IL6R: variants seen among roughly 807,000 people sequenced by gnomAD.
The protein encoded by IL6R is interleukin 6 receptor.
A neutral mutation model predicts 48.3 loss-of-function variants in IL6R; 38 were observed. The ratio of observed to expected loss-of-function variants is 0.79; its 90% CI spans 0.61 to 1.03. The LOEUF is 1.03. Among genes scored for constraint, IL6R ranks in the 50% least tolerant of loss-of-function variants. IL6R has a pLI of 0.00. For missense variants in IL6R, 534 were observed against 618.3 expected, an observed-to-expected ratio of 0.86 and a Z score of 1.45; for synonymous variants, 264 against 256.2, an observed-to-expected ratio of 1.03 and a Z score of -0.29.
At chr1:154,431,155 G>C (rs1020601161) in intron 3 of IL6R, among the ~76,000 whole-genome samples, 4 of 152,166 alleles carry the variant, frequency 2.6e-5, no homozygotes, top group South Asian at 2.1e-4. Flanking sequence ...TGGGGCCGTG[G>C]GGGGAGAAGT....
At chr1:154,442,724 C>T (rs567510813) in intron 6 of IL6R, among the ~76,000 whole-genome samples, 1 of 152,180 alleles carries the variant, frequency 6.6e-6, no homozygotes, top group Non-Finnish European at 1.5e-5. Context: ...TTTATCCTCT[C>T]CTGATGGGAG....
At chr1:154,423,363 C>T (rs6684439) in intron 1 of IL6R, among the ~76,000 whole-genome samples, 55,443 of 146,750 alleles carry the variant, frequency 0.38, 10,713 homozygotes, top group Admixed American at 0.5. Flanking sequence ...AGAAAGAAAT[C>T]ACCTCTAACA....
Position 154,440,094 on chromosome 1 carries a change from G to A in IL6R, c.949+3984G>A, listed in dbSNP as rs547222835. Among the ~76,000 whole-genome samples the A allele has an allele frequency of 8.5e-5, 13 of 152,268 alleles. No homozygotes were observed. In the South Asian group the frequency reaches 2.5e-3, roughly 29 times the overall value. On this transcript the variant is annotated intron_variant, in intron 6 of 9. Coordinates refer to ENST00000368485, the MANE Select transcript of IL6R (RefSeq NM_000565.4). ...ATTTTTGTATTTTTTGTAGAGACAA[G>A]GTTTCACCATGTTGCCCAGGCTGCA...
intron 1 of IL6R, among the ~76,000 whole-genome samples, chr1:154,421,427 C>A (rs571403492): frequency 6.6e-6 from 1 of 152,338 alleles, no homozygotes; most frequent in African/African-American, 2.4e-5. Flanking sequence ...GGCCTCCAAC[C>A]TAACCCAGGC....
intron 1 of IL6R, among the ~76,000 whole-genome samples, chr1:154,421,534 C>T (rs1418358643): frequency 6.6e-6 from 1 of 152,204 alleles, no homozygotes; most frequent in Admixed American, 6.5e-5. Context: ...TGAGGGTGCT[C>T]ACACCCTCCA....
chr1:154,452,025 T>A (rs1183000183), intron 8 of IL6R, among the ~76,000 whole-genome samples: 2 of 152,134 alleles, frequency 1.3e-5, no homozygotes, highest in Admixed American at 1.3e-4. Flanking sequence ...GTTGTCCTTG[T>A]GCTTTGAGAC....
intron 6 of IL6R, among the ~76,000 whole-genome samples, chr1:154,439,376 G>A (rs61812595): frequency 0.053 from 8,119 of 152,192 alleles, 332 homozygotes; most frequent in Middle Eastern, 0.13. Flanking sequence ...GTGCAGTGGC[G>A]TGATCTCAGC....
At chr1:154,420,480 C>A (rs761508709) in intron 1 of IL6R, among the ~76,000 whole-genome samples, 26 of 151,094 alleles carry the variant, frequency 1.7e-4, no homozygotes, top group Non-Finnish European at 7.4e-5. Flanking sequence ...CACCAAGGGG[C>A]CTCCTGCTTG....
intron 9 of IL6R, among the ~76,000 whole-genome samples, chr1:154,456,051 A>C (rs1384102653): frequency 6.6e-6 from 1 of 151,920 alleles, no homozygotes; most frequent in Non-Finnish European, 1.5e-5. Context: ...AATGAGACTC[A>C]TCTCAAACAA....
At chr1:154,427,912 A>T (rs1054763522) in intron 1 of IL6R, among the ~76,000 whole-genome samples, 1 of 152,228 alleles carries the variant, frequency 6.6e-6, no homozygotes, top group Non-Finnish European at 1.5e-5. Context: ...TCTGAGTCCC[A>T]GGAGCATGGG....
intron 2 of IL6R, among the ~76,000 whole-genome samples, chr1:154,430,233 CT>C (rs1044523009): frequency 2.6e-5 from 4 of 152,180 alleles, no homozygotes; most frequent in Admixed American, 2.6e-4. Flanking sequence ...CAAGTTGGTC[CT>C]GAGGTTCTTC....
Position 154,434,925 on chromosome 1 carries a change from G to GCCTA in IL6R, c.641-63_641-60dup, listed in dbSNP as rs1263181114. The GCCTA allele has an allele frequency of 2.6e-6, 4 of 1,551,974 alleles. No homozygotes were observed. The African/African-American group carries it at 4.1e-5, about 16-fold the overall frequency. On this transcript the variant is annotated intron_variant, in intron 4 of 9. Transcript: ENST00000368485. ...TGGGGCCCTGCTTGCTGGGATCTCAGCCTACATGGGCTTCTCTACACTATA... is the reference window on the plus strand; with the variant it reads ...TGGGGCCCTGCTTGCTGGGATCTCAGCCTACCTACATGGGCTTCTCTACACTATA...
Position 154,417,639 on chromosome 1 carries a change from G to A in IL6R, c.86-11557G>A, listed in dbSNP as rs568540246. ...GGGTGGAGTGCAGTGGTGCGATCTC[G>A]GCTCACTGCAAACTCCATCTCCGGG... On this transcript the variant is annotated intron_variant, in intron 1 of 9. Coordinates refer to ENST00000368485, the MANE Select transcript of IL6R (RefSeq NM_000565.4). Among the ~76,000 whole-genome samples the A allele has an allele frequency of 4.0e-5, 6 of 151,804 alleles. No homozygotes were observed. The East Asian group carries it at 5.8e-4, about 15-fold the overall frequency.
intron 9 of IL6R, among the ~76,000 whole-genome samples, chr1:154,456,372 A>C (rs1394553089): frequency 1.3e-5 from 2 of 151,702 alleles, no homozygotes; most frequent in Non-Finnish European, 2.9e-5. Context: ...CGCCCGGCTA[A>C]TTTTTTGTAT....
chr1:154,445,431 G>A (rs1314551417), intron 6 of IL6R, among the ~76,000 whole-genome samples: 2 of 152,104 alleles, frequency 1.3e-5, no homozygotes, highest in Non-Finnish European at 2.9e-5. Context: ...CATCTGTCTT[G>A]AGTATAGTAT....
At chr1:154,413,185 A>G (rs1023323926) in intron 1 of IL6R, among the ~76,000 whole-genome samples, 1 of 152,140 alleles carries the variant, frequency 6.6e-6, no homozygotes, top group Non-Finnish European at 1.5e-5. Flanking sequence ...TATTTTTAGT[A>G]GAGATGGGGT....
chr1:154,462,396 G>A (rs192381662), intron 9 of IL6R, among the ~76,000 whole-genome samples: 3 of 140,608 alleles, frequency 2.1e-5, no homozygotes, highest in Non-Finnish European at 4.6e-5. Flanking sequence ...TTTTTGAGAC[G>A]GAGTTTCATT....
chr1:154,449,988 C>T lies in IL6R; in HGVS notation c.1066+8C>T, dbSNP rs1690487651. The T allele has an allele frequency of 1.3e-6, 2 of 1,578,830 alleles. No homozygotes were observed. Among genetic ancestry groups the T allele is most frequent in the Non-Finnish European group, 1.7e-6 (2 of 1,147,754 alleles). The stretch of plus-strand genomic sequence containing the variant: ...ATGCGACAAGCCTCCCAGGTAAGGA[C>T]TGGGTATTTTCATATTCCCAGGGTC... On this transcript the variant is annotated splice_region_variant and intron_variant, in intron 8 of 9. Coordinates refer to ENST00000368485, the MANE Select transcript of IL6R (RefSeq NM_000565.4).
At chr1:154,420,542 T>TATTTATTTATTTA (rs1342369501) in intron 1 of IL6R, among the ~76,000 whole-genome samples, 1 of 151,450 alleles carries the variant, frequency 6.6e-6, no homozygotes. Flanking sequence ...TTTATTTATT[T>TATTTATTTATTTA]TCAAGAAGGA....
Sources: allele counts gnomAD v4.1 joint callset (sites outside exome capture counted in the v4.1 genomes callset), GRCh38; gene constraint gnomAD v4.1.1; transcripts MANE v1.5; gene names NCBI Gene and HGNC (gene_info 2026-07-23, HGNC 2026-07-21).